Variants in PPME1 observed in about 807,000 individuals in gnomAD.
PPME1 encodes the protein testicular secretory protein Li 39.
A neutral mutation model predicts 56.9 loss-of-function variants in PPME1; 17 were observed. That is an observed-to-expected ratio of 0.30 (90% CI 0.20 to 0.45). PPME1 has a LOEUF of 0.45. Ranked by LOEUF, PPME1 falls within the 20% of genes least tolerant of loss-of-function variation. The pLI is 1.00. For missense variants in PPME1, 357 were observed against 483.2 expected, an observed-to-expected ratio of 0.74 and a Z score of 2.45; for synonymous variants, 122 against 156.2, an observed-to-expected ratio of 0.78 and a Z score of 1.63.
intron 3 of PPME1, among the ~76,000 whole-genome samples, chr11:74,206,759 G>T (rs1380306153): frequency 6.6e-6 from 1 of 152,018 alleles, no homozygotes; most frequent in Admixed American, 6.6e-5. Flanking sequence ...TAGAGACAGG[G>T]TCTCACTGTG....
At chr11:74,183,553 A>G (rs941144497) in intron 1 of PPME1, among the ~76,000 whole-genome samples, 1 of 152,146 alleles carries the variant, frequency 6.6e-6, no homozygotes. Flanking sequence ...TAATGGATCT[A>G]TATAAGTGTA....
rs538872211 is a variant in PPME1, at chr11:74,233,055, C to T, written c.644+2053C>T. Among the ~76,000 whole-genome samples, 4 of 151,522 alleles carry T rather than the reference C, an allele frequency of 2.6e-5. No homozygotes were observed. The Middle Eastern group carries it at 0.014, about 519-fold the overall frequency. On this transcript the variant is annotated intron_variant, in intron 7 of 13. Coordinates refer to ENST00000328257, the MANE Select transcript of PPME1 (RefSeq NM_016147.3). ...ATTCAGTAAATTTTTTTTTCTAGTG[C>T]CTAAGATGTGTCAGTACCTGATCTA...
chr11:74,174,520 T>A (rs1040310811), intron 1 of PPME1, among the ~76,000 whole-genome samples: 1 of 152,224 alleles, frequency 6.6e-6, no homozygotes, highest in Non-Finnish European at 1.5e-5. Flanking sequence ...TTAGTCCTGT[T>A]CTCTTGATAG....
intron 1 of PPME1, among the ~76,000 whole-genome samples, chr11:74,180,076 A>G (rs1857492349): frequency 6.6e-6 from 1 of 152,114 alleles, no homozygotes; most frequent in African/African-American, 2.4e-5. Flanking sequence ...AAAACATACA[A>G]CTTACATTTC....
chr11:74,210,211 A>G (rs773229289), intron 3 of PPME1, among the ~76,000 whole-genome samples: 1 of 152,194 alleles, frequency 6.6e-6, no homozygotes, highest in Non-Finnish European at 1.5e-5. Context: ...ATTAGAAAAT[A>G]TTATCAGTAT....
At chr11:74,252,980 T>C (rs2135688625) in intron 13 of PPME1, among the ~76,000 whole-genome samples, 1 of 152,306 alleles carries the variant, frequency 6.6e-6, no homozygotes, top group Middle Eastern at 3.4e-3. Context: ...ATTCCTACCA[T>C]TGAAAAGTCT....
rs1858901928 is a variant in PPME1 at position 74,225,150 on chromosome 11, T to C, written c.347-55T>C. On this transcript the variant is annotated intron_variant, in intron 4 of 13. Coordinates refer to ENST00000328257, the MANE Select transcript of PPME1 (RefSeq NM_016147.3). ...TGATATTTTTAAAAGAGAATACTTC[T>C]GCTTTTATAATTCCTGTCTGTGGGA... is the stretch of plus-strand genomic sequence containing the variant. The C allele has an allele frequency of 1.9e-5, 23 of 1,210,524 alleles. No homozygotes were observed. The South Asian group carries it at 3.1e-4, about 16-fold the overall frequency. 75.0% of individuals were successfully genotyped at this position (1,210,524 alleles called of 1,614,324 possible). A position where few individuals can be genotyped will look rare whatever the true frequency, so the allele number is the denominator to read the frequency against.
At chr11:74,217,374 T>C (rs984632084) in intron 3 of PPME1, among the ~76,000 whole-genome samples, 2 of 151,884 alleles carry the variant, frequency 1.3e-5, no homozygotes, top group African/African-American at 2.4e-5. Context: ...AAACCCCGTC[T>C]CTTCTAAAAA....
chr11:74,183,972 G>A (rs1392870895), intron 1 of PPME1, among the ~76,000 whole-genome samples: 1 of 152,152 alleles, frequency 6.6e-6, no homozygotes, highest in African/African-American at 2.4e-5. Flanking sequence ...GTAAATGGGA[G>A]GGAGGAGCCA....
At position 74,246,268 on chromosome 11, in the gene PPME1, G is replaced by C. The variant is rs572616187; in HGVS notation, c.964+63G>C. On this transcript the variant is annotated intron_variant, in intron 10 of 13. Transcript: ENST00000328257. Reference sequence around the variant, plus strand: ...GCCATAACCAAATATCATAGACTGAGTGGCTTAAACAACAGAAATTTATTT... The same window carrying C: ...GCCATAACCAAATATCATAGACTGACTGGCTTAAACAACAGAAATTTATTT... 2.1e-6 allele frequency: 3 copies of C among 1,409,386 alleles called. No homozygotes were observed. The Admixed American group carries it at 7.9e-5, about 37-fold the overall frequency. The allele number at this position is 1,409,386 out of a possible 1,614,324, so 87.3% of individuals were successfully genotyped here. A position where few individuals can be genotyped will look rare whatever the true frequency, so the allele number is the denominator to read the frequency against.
intron 3 of PPME1, among the ~76,000 whole-genome samples, chr11:74,211,740 T>C (rs1591040862): frequency 1.3e-5 from 2 of 152,104 alleles, no homozygotes; most frequent in South Asian, 2.1e-4. Context: ...ATTTTCGTTA[T>C]ATTAAAAAGA....
intron 3 of PPME1, among the ~76,000 whole-genome samples, chr11:74,216,757 A>G (rs1858657197): frequency 1.3e-5 from 2 of 152,184 alleles, no homozygotes; most frequent in Non-Finnish European, 2.9e-5. Flanking sequence ...AAAAGAAAGA[A>G]GACCCAAATA....
intron 13 of PPME1, among the ~76,000 whole-genome samples, chr11:74,253,059 T>A (rs1859744713): frequency 6.6e-6 from 1 of 152,138 alleles, no homozygotes; most frequent in African/African-American, 2.4e-5. Flanking sequence ...AGAAGAAATA[T>A]TAAGAAAAGG....
rs561391187 is a variant in PPME1, at chr11:74,200,095, AG to A, written c.102-3626del. Among the ~76,000 whole-genome samples, 542 of 152,296 alleles carry A rather than the reference AG, an allele frequency of 3.6e-3. 5 individuals are homozygous for A. Among genetic ancestry groups the A allele is most frequent in the Middle Eastern group, 0.01 (3 of 294 alleles). Reference sequence around the variant, plus strand: ...AAAATTCTTTCATTACGACCCCTTGAGGGGGGGAAGTTAGTAATTAATCTAA... The same window carrying A: ...AAAATTCTTTCATTACGACCCCTTGAGGGGGGAAGTTAGTAATTAATCTAA... On this transcript the variant is annotated intron_variant, in intron 1 of 13. Transcript: ENST00000328257.
At chr11:74,192,952 A>G (rs1857881826) in intron 1 of PPME1, among the ~76,000 whole-genome samples, 1 of 152,120 alleles carries the variant, frequency 6.6e-6, no homozygotes, top group African/African-American at 2.4e-5. Context: ...GCTGCTTCTG[A>G]TGTTTCTTCT....
At chr11:74,245,958 A>C (rs1345554628) in intron 9 of PPME1, 118 bp from the exon 10 acceptor site, 26 of 1,164,046 alleles carry the variant, frequency 2.2e-5, no homozygotes, top group Non-Finnish European at 3.1e-5. Context: ...TCTAGGACTT[A>C]GTAGGTCCTT....
chr11:74,203,713 C>T lies in PPME1; in HGVS notation c.102-15C>T, dbSNP rs767919634. ...CATAATTTTTCTGAAATGTCTCTCTCTTTTTTTTCCTCAGCCCTGGAAGAA... is the reference window on the plus strand; with the variant it reads ...CATAATTTTTCTGAAATGTCTCTCTTTTTTTTTTCCTCAGCCCTGGAAGAA... On this transcript the variant is annotated splice_polypyrimidine_tract_variant and intron_variant, in intron 1 of 13. Coordinates refer to ENST00000328257, the MANE Select transcript of PPME1 (RefSeq NM_016147.3). 1.9e-6 allele frequency: 3 copies of T among 1,591,476 alleles called. No homozygotes were observed. Among genetic ancestry groups the T allele is most frequent in the East Asian group, 2.3e-5 (1 of 44,430 alleles).
At chr11:74,188,849 A>G (rs1275621567) in intron 1 of PPME1, among the ~76,000 whole-genome samples, 1 of 152,252 alleles carries the variant, frequency 6.6e-6, no homozygotes, top group Non-Finnish European at 1.5e-5. Context: ...AATTCTTAAT[A>G]CACCATTAAG....
At chr11:74,184,989 CTTTTTTTTTTTTTT>C (rs559947122) in intron 1 of PPME1, among the ~76,000 whole-genome samples, 9 of 95,738 alleles carry the variant, frequency 9.4e-5, no homozygotes, top group African/African-American at 2.9e-4. Flanking sequence ...TGAAGTATGT[CTTTTTTTTTTTTTT>C]TTTTTTTTTT....
Sources: allele counts gnomAD v4.1 joint callset (sites outside exome capture counted in the v4.1 genomes callset), GRCh38; gene constraint gnomAD v4.1.1; transcripts MANE v1.5; gene names NCBI Gene and HGNC (gene_info 2026-07-23, HGNC 2026-07-21).